Variants in HEATR5A observed in about 807,000 individuals in gnomAD.
HEATR5A encodes HEAT repeat containing 5A.
In HEATR5A, 178 loss-of-function variants were observed where a neutral mutation model predicts 218.8. The ratio of observed to expected loss-of-function variants is 0.81; its 90% CI spans 0.72 to 0.92. The LOEUF (loss-of-function observed/expected upper bound fraction) is 0.92, where lower values mean the gene tolerates loss of function less well. Among genes scored for constraint, HEATR5A ranks in the 40% least tolerant of loss-of-function variants. The pLI, the probability that HEATR5A is intolerant of heterozygous loss-of-function variation, is 0.00. For missense variants in HEATR5A, 2,420 were observed against 2,418.9 expected, an observed-to-expected ratio of 1.00 and a Z score of -0.01; for synonymous variants, 864 against 871.6, an observed-to-expected ratio of 0.99 and a Z score of 0.15.
chr14:31,359,729 C>CAA (rs376157768), intron 14 of HEATR5A, among the ~76,000 whole-genome samples: 131 of 32,196 alleles, frequency 4.1e-3, no homozygotes, highest in South Asian at 6.7e-3. Context: ...CATCTCAAGA[C>CAA]AAAAAAAAAA....
intron 33 of HEATR5A, chr14:31,296,574 T>C (rs1441800725): frequency 6.6e-6 from 1 of 152,486 alleles, no homozygotes; most frequent in East Asian, 1.9e-4. Flanking sequence ...TTATAATACA[T>C]GTATCAAGTG....
At chr14:31,321,704 G>A (rs754539438) in intron 24 of HEATR5A, 24 bp from the exon 25 acceptor site, 9 of 1,494,926 alleles carry the variant, frequency 6.0e-6, no homozygotes, top group African/African-American at 4.2e-5. Context: ...AAACATATTG[G>A]GAGAAAAAAA....
At chr14:31,293,696 TTTCCCCAC>T in intron 35 of HEATR5A, 84 bp from the exon 36 acceptor site, 1 of 1,291,462 alleles carries the variant, frequency 7.7e-7, no homozygotes, top group African/African-American at 1.5e-5. Flanking sequence ...TGTATACATT[TTTCCCCAC>T]TAAAGAAAAC....
chr14:31,398,882 C>A, intron 3 of HEATR5A, 101 bp from the exon 4 acceptor site: 1 of 656,658 alleles, frequency 1.5e-6, no homozygotes, highest in South Asian at 1.9e-5. Flanking sequence ...ATCCCCCATT[C>A]TCTTGTCTTT....
At chr14:31,417,583 CA>C (rs923135815) in intron 1 of HEATR5A, among the ~76,000 whole-genome samples, 2 of 147,898 alleles carry the variant, frequency 1.4e-5, no homozygotes, top group East Asian at 2.0e-4. Context: ...GACTCTGTCT[CA>C]AAAAAAGAAA....
Position 31,387,311 on chromosome 14 carries a change from A to G in HEATR5A, c.998T>C (p.Phe333Ser), listed in dbSNP as rs758353333. The G allele has an allele frequency of 2.5e-6, 4 of 1,614,012 alleles. No individual in the cohort carries two copies. The East Asian group carries it at 8.9e-5, about 36-fold the overall frequency. The change falls in exon 8 of 36, where the codon TTT (phenylalanine) becomes TCT (serine). Residue 333 changes from phenylalanine to serine, a missense_variant. Transcript: ENST00000543095. ...AWLEKNFAAF[F>S]SHILSLASPS... The stretch of plus-strand genomic sequence containing the variant: ...TGACGCAAGGCTTAGGATATGAGAA[A>G]AAAAGGCAGCAAAATTTTTCTCTAG...
chr14:31,320,722 T>C, intron 25 of HEATR5A: 1 of 361,232 alleles, frequency 2.8e-6, no homozygotes, highest in Non-Finnish European at 5.2e-6. Flanking sequence ...AAAACACTTG[T>C]TTTTTTATTT....
chr14:31,355,225 C>T (rs1039690552), intron 16 of HEATR5A, among the ~76,000 whole-genome samples: 1 of 151,974 alleles, frequency 6.6e-6, no homozygotes, highest in African/African-American at 2.4e-5. Flanking sequence ...AACAGCCTGG[C>T]CAACATGGCG....
intron 21 of HEATR5A, among the ~76,000 whole-genome samples, chr14:31,338,527 C>T (rs1015284388): frequency 1.3e-5 from 2 of 152,058 alleles, no homozygotes; most frequent in African/African-American, 4.8e-5. Flanking sequence ...ACTTCAGTTA[C>T]AAGTCAAAGG....
intron 9 of HEATR5A, among the ~76,000 whole-genome samples, 198 bp downstream of exon 9, chr14:31,386,222 C>A (rs1413888322): frequency 6.6e-6 from 1 of 152,082 alleles, no homozygotes; most frequent in Non-Finnish European, 1.5e-5. Context: ...AGGGTGCAGA[C>A]TTAGAGAACA....
intron 31 of HEATR5A, among the ~76,000 whole-genome samples, chr14:31,306,402 G>A (rs943169851): frequency 1.3e-5 from 2 of 152,164 alleles, no homozygotes; most frequent in African/African-American, 4.8e-5. Flanking sequence ...AGAATCACCT[G>A]AGCCTGGGAG....
chr14:31,294,374 A>G (rs1182961178), intron 34 of HEATR5A, among the ~76,000 whole-genome samples: 1 of 150,836 alleles, frequency 6.6e-6, no homozygotes, highest in African/African-American at 2.4e-5. Context: ...TTTCCCCCTC[A>G]TGTCTTTCTC....
intron 2 of HEATR5A, 55 bp from the exon 3 acceptor site, chr14:31,400,567 C>A: frequency 8.9e-7 from 1 of 1,124,680 alleles, no homozygotes; most frequent in Non-Finnish European, 1.2e-6. Context: ...TATCTGTAAT[C>A]CCCTAATATA....
chr14:31,303,703 G>A (rs1899463584), intron 32 of HEATR5A, among the ~76,000 whole-genome samples: 1 of 152,070 alleles, frequency 6.6e-6, no homozygotes, highest in South Asian at 2.1e-4. Context: ...GAGTTTTTAG[G>A]GAAGCCTTTA....
At chr14:31,334,782 TA>T (rs1900593677) in intron 22 of HEATR5A, among the ~76,000 whole-genome samples, 1 of 151,822 alleles carries the variant, frequency 6.6e-6, no homozygotes, top group Non-Finnish European at 1.5e-5. Context: ...CTGTCTCTAC[TA>T]AAAATATAAA....
At chr14:31,319,641 T>C (rs1900024390) in intron 25 of HEATR5A, among the ~76,000 whole-genome samples, 1 of 152,232 alleles carries the variant, frequency 6.6e-6, no homozygotes, top group Non-Finnish European at 1.5e-5. Flanking sequence ...TGAATGCTGC[T>C]AGAGGATTAC....
At chr14:31,311,671 A>G (rs1160142148) in intron 28 of HEATR5A, among the ~76,000 whole-genome samples, 2 of 146,714 alleles carry the variant, frequency 1.4e-5, no homozygotes, top group East Asian at 3.9e-4. Flanking sequence ...AGTGTTGTGT[A>G]TATATATATA....
chr14:31,416,283 ATT>A, intron 1 of HEATR5A, among the ~76,000 whole-genome samples: 1 of 149,310 alleles, frequency 6.7e-6, no homozygotes, highest in East Asian at 2.0e-4. Context: ...CGCCCGGCTA[ATT>A]TTTTTTTTGT....
intron 22 of HEATR5A, among the ~76,000 whole-genome samples, chr14:31,335,252 A>G (rs908485068): frequency 1.3e-5 from 2 of 152,202 alleles, no homozygotes; most frequent in African/African-American, 4.8e-5. Flanking sequence ...GCTTTATTGC[A>G]TGGTCTGGAA....
Sources: allele counts gnomAD v4.1 joint callset (sites outside exome capture counted in the v4.1 genomes callset), GRCh38; gene constraint gnomAD v4.1.1; transcripts MANE v1.5; gene names NCBI Gene and HGNC (gene_info 2026-07-23, HGNC 2026-07-21).